The following PCDH15 variants were observed in gnomAD, a reference collection of about 807,000 sequenced individuals.
PCDH15 encodes protocadherin related 15.
In PCDH15, 129 loss-of-function variants were observed where a neutral mutation model predicts 178.5. The observed-to-expected ratio is 0.72, with a 90% CI of 0.63 to 0.84. The LOEUF is 0.84. Ranked by LOEUF, PCDH15 falls within the 40% of genes least tolerant of loss-of-function variation. The pLI is 0.00. For synonymous variants in PCDH15, 800 were observed against 732.0 expected, an observed-to-expected ratio of 1.09 and a Z score of -1.50; for missense variants, 2,230 against 2,099.9, an observed-to-expected ratio of 1.06 and a Z score of -1.21.
intron 1 of PCDH15, among the ~76,000 whole-genome samples, chr10:55,190,821 A>G (rs1839927628): frequency 6.6e-6 from 1 of 151,736 alleles, no homozygotes. Context: ...TGCACAAAAC[A>G]TAAGATTTGA....
At chr10:53,967,174 G>A (rs537428995) in intron 21 of PCDH15, among the ~76,000 whole-genome samples, 118 of 152,218 alleles carry the variant, frequency 7.8e-4, no homozygotes, top group African/African-American at 2.5e-3. Context: ...GGCTTCTCAC[G>A]AAATCTGATG....
rs1406695202 is a variant in PCDH15 at position 55,523,229 on chromosome 10, T to G, written c.-156+104396A>C. ...TTTCTCCCTCTCCTCCATCAAGAAC[T>G]TCCACAAGGAGTTTATTCACTAGTT... On this transcript the variant is annotated intron_variant, in intron 2 of 5. Coordinates refer to the PCDH15 transcript ENST00000613346. Among the ~76,000 whole-genome samples the G allele has an allele frequency of 2.6e-5, 4 of 151,708 alleles. No homozygotes were observed. The East Asian group carries it at 7.8e-4, about 29-fold the overall frequency.
chr10:55,419,282 G>C (rs1385956936), intron 2 of PCDH15, among the ~76,000 whole-genome samples: 1 of 151,704 alleles, frequency 6.6e-6, no homozygotes, highest in East Asian at 1.9e-4. Context: ...TTTTCTATGT[G>C]GGATAATACC....
chr10:53,894,457 C>A (rs1358251060), intron 26 of PCDH15, among the ~76,000 whole-genome samples: 2 of 152,260 alleles, frequency 1.3e-5, no homozygotes, highest in Non-Finnish European at 2.9e-5. Context: ...CCCTTGAAAC[C>A]ATGAGAGAGT....
intron 8 of PCDH15, among the ~76,000 whole-genome samples, chr10:54,271,601 T>G (rs2058053102): frequency 6.6e-6 from 1 of 152,184 alleles, no homozygotes; most frequent in African/African-American, 2.4e-5. Context: ...CACAAGATTT[T>G]GTTTTCATTC....
intron 2 of PCDH15, among the ~76,000 whole-genome samples, chr10:54,657,259 C>T (rs2094422882): frequency 6.6e-6 from 1 of 152,176 alleles, no homozygotes; most frequent in Non-Finnish European, 1.5e-5. Context: ...AAGCAGATCA[C>T]ATTCCTGTCT....
At chr10:54,291,189 C>T (rs2059381834) in intron 8 of PCDH15, among the ~76,000 whole-genome samples, 1 of 152,088 alleles carries the variant, frequency 6.6e-6, no homozygotes, top group Non-Finnish European at 1.5e-5. Context: ...TGCACAACTA[C>T]AAGGAAACTG....
chr10:53,834,919 A>G (rs2077218622), intron 29 of PCDH15, among the ~76,000 whole-genome samples: 1 of 152,188 alleles, frequency 6.6e-6, no homozygotes, highest in Admixed American at 6.5e-5. Context: ...TCTAGACAGT[A>G]GAGGGACAAC....
chr10:54,580,249 A>G (rs1246643023), intron 2 of PCDH15, among the ~76,000 whole-genome samples: 1 of 152,068 alleles, frequency 6.6e-6, no homozygotes, highest in Non-Finnish European at 1.5e-5. Context: ...CAAAAAAGAG[A>G]AGATCCAAAT....
At chr10:55,512,218 T>G (rs527965043) in intron 2 of PCDH15, among the ~76,000 whole-genome samples, 11 of 152,222 alleles carry the variant, frequency 7.2e-5, no homozygotes, top group African/African-American at 2.6e-4. Context: ...ATAAAAAGTT[T>G]GAGAATAGTT....
chr10:54,615,963 T>C (rs998167005), intron 2 of PCDH15, among the ~76,000 whole-genome samples: 4 of 152,020 alleles, frequency 2.6e-5, no homozygotes, highest in Admixed American at 2.0e-4. Flanking sequence ...ACTAAAAATA[T>C]CACACGGTTT....
intron 3 of PCDH15, among the ~76,000 whole-genome samples, chr10:54,476,108 A>G (rs1353723011): frequency 6.6e-6 from 1 of 151,412 alleles, no homozygotes; most frequent in East Asian, 2.0e-4. Flanking sequence ...ACTTTCATTC[A>G]TAATAAGTTA....
chr10:54,534,007 G>T (rs1410244988), intron 2 of PCDH15, among the ~76,000 whole-genome samples: 1 of 152,030 alleles, frequency 6.6e-6, no homozygotes, highest in Non-Finnish European at 1.5e-5. Context: ...CATTAATGGG[G>T]ATAAGAGTAA....
Position 54,122,002 on chromosome 10 carries a change from T to TACACACACACACACACACACAC in PCDH15, c.1917+10851_1917+10872dup, listed in dbSNP as rs57135050. Among the ~76,000 whole-genome samples the TACACACACACACACACACACAC allele has an allele frequency of 1.8e-3, 270 of 146,490 alleles. 1 individual carries two copies. The highest frequency in any genetic ancestry group is 7.4e-3 in the South Asian group (34 of 4,570). On this transcript the variant is annotated intron_variant, in intron 15 of 37. Coordinates refer to ENST00000644397, the MANE Select transcript of PCDH15 (RefSeq NM_001384140.1). Reference sequence around the variant, plus strand: ...AATATCTAAACCGGGCAAAGACACATACACACACACACACACACACACACA... The same window carrying TACACACACACACACACACACAC: ...AATATCTAAACCGGGCAAAGACACATACACACACACACACACACACACACACACACACACACACACACACACA...
At chr10:54,177,411 C>A (rs899972328) in intron 13 of PCDH15, among the ~76,000 whole-genome samples, 1 of 151,930 alleles carries the variant, frequency 6.6e-6, no homozygotes, top group Non-Finnish European at 1.5e-5. Flanking sequence ...AATCCTAATG[C>A]AAACTACAGA....
intron 9 of PCDH15, among the ~76,000 whole-genome samples, chr10:54,225,508 A>G (rs184183096): frequency 6.6e-6 from 1 of 152,160 alleles, no homozygotes; most frequent in East Asian, 1.9e-4. Flanking sequence ...CCTTACTTAG[A>G]CCCTTGTCAT....
At chr10:55,061,445 T>G (rs2131999680) in intron 2 of PCDH15, among the ~76,000 whole-genome samples, 1 of 152,288 alleles carries the variant, frequency 6.6e-6, no homozygotes, top group African/African-American at 2.4e-5. Context: ...TCCCTTTCAC[T>G]GCTGGTGGAA....
intron 2 of PCDH15, among the ~76,000 whole-genome samples, chr10:54,631,436 G>A (rs1486481031): frequency 6.6e-6 from 1 of 152,120 alleles, no homozygotes; most frequent in Non-Finnish European, 1.5e-5. Flanking sequence ...GGAGAAAAGG[G>A]AATGGTTATA....
At chr10:54,477,845 A>G (rs1409785331) in intron 3 of PCDH15, among the ~76,000 whole-genome samples, 1 of 152,118 alleles carries the variant, frequency 6.6e-6, no homozygotes, top group Non-Finnish European at 1.5e-5. Context: ...GTCCTCCCAA[A>G]GTGCTGGGAT....
Sources: gnomAD v4.1 joint callset for allele counts (sites outside exome capture counted in the v4.1 genomes callset) on GRCh38, gnomAD v4.1.1 for gene constraint, MANE v1.5 for transcripts, NCBI Gene and HGNC (gene_info 2026-07-23, HGNC 2026-07-21) for gene names.